The following MTRFR variants were observed in gnomAD, a reference collection of about 807,000 sequenced individuals.
The protein encoded by MTRFR is mitochondrial translation release factor in rescue.
Under a neutral mutation model 11.9 loss-of-function variants are expected in MTRFR, and 10 were observed. That is an observed-to-expected ratio of 0.84 (90% CI 0.52 to 1.42). The LOEUF is 1.42. MTRFR is among the 40% of genes most tolerant of loss of function. MTRFR has a pLI of 0.00. For synonymous variants in MTRFR, 77 were observed against 79.1 expected (o/e 0.97, Z 0.14); for missense variants, 196 against 197.9 (o/e 0.99, Z 0.06).
chr12:123,252,919 C>T (rs2048131599), intron 1 of MTRFR, among the ~76,000 whole-genome samples: 1 of 151,866 alleles, frequency 6.6e-6, no homozygotes, highest in Admixed American at 6.6e-5. Flanking sequence ...AGCGAGATTC[C>T]GTCTCAAAAA....
intron 2 of MTRFR, among the ~76,000 whole-genome samples, chr12:123,256,521 C>A (rs2048183623): frequency 6.6e-6 from 1 of 152,156 alleles, no homozygotes; most frequent in African/African-American, 2.4e-5. Context: ...CATGGTGAAA[C>A]CCCATCTCTA....
chr12:123,250,058 G>A (rs1817920196), intron 1 of MTRFR: 1 of 152,178 alleles, frequency 6.6e-6, no homozygotes, highest in African/African-American at 2.4e-5. Flanking sequence ...ACTTCTTGGA[G>A]GCTTTGTTCA....
At chr12:123,252,775 A>C (rs999478924) in intron 1 of MTRFR, among the ~76,000 whole-genome samples, 1 of 152,026 alleles carries the variant, frequency 6.6e-6, no homozygotes, top group Non-Finnish European at 1.5e-5. Context: ...AAATACAAAA[A>C]TTAGCCGGGT....
In MTRFR at chr12:123,244,929, C is replaced by CCTTT. The variant is rs1170457743; in HGVS notation, c.-28-8718_-28-8717insCTTT. Among the ~76,000 whole-genome samples the CCTTT allele has an allele frequency of 9.2e-4, 59 of 64,304 alleles. 2 individuals are homozygous for CCTTT. In the South Asian group the frequency reaches 0.013, roughly 14 times the overall value. The allele number at this position is 64,304 out of a possible 152,430, so 42.2% of individuals were successfully genotyped here. A position where few individuals can be genotyped will look rare whatever the true frequency, so the allele number is the denominator to read the frequency against. On this transcript the variant is annotated intron_variant, in intron 1 of 2. Coordinates refer to ENST00000253233, the MANE Select transcript of MTRFR (RefSeq NM_152269.5). ...TACAGGTATGAGCCACCGCACCCGGCATTTTTTTTTTTTTTTTTTTTTTTT... is the reference window on the plus strand; with the variant it reads ...TACAGGTATGAGCCACCGCACCCGGCCTTTATTTTTTTTTTTTTTTTTTTTTTTT...
chr12:123,251,734 G>A (rs1251575165), intron 1 of MTRFR, among the ~76,000 whole-genome samples: 2 of 152,224 alleles, frequency 1.3e-5, no homozygotes, highest in Non-Finnish European at 2.9e-5. Flanking sequence ...CAGAGGGTCT[G>A]TGGGTCCTCT....
At chr12:123,233,142 AG>A (rs1565985554), upstream of MTRFR, 1 of 151,754 alleles carries the variant, frequency 6.6e-6, no homozygotes, top group Non-Finnish European at 1.5e-5. Context: ...TACCCGAGGG[AG>A]CGCGCGCGCG....
intron 1 of MTRFR, chr12:123,248,312 A>T (rs1301595412): frequency 1.3e-5 from 2 of 152,250 alleles, no homozygotes; most frequent in Non-Finnish European, 2.9e-5. Context: ...TCTAGCTTGT[A>T]GTGTTTCTCC....
chr12:123,245,525 T>A (rs1192537261), intron 1 of MTRFR, among the ~76,000 whole-genome samples: 1 of 152,224 alleles, frequency 6.6e-6, no homozygotes, highest in Non-Finnish European at 1.5e-5. Context: ...GCATGGGATG[T>A]GTTTCCATTT....
chr12:123,239,807 C>G (rs1372256315), intron 1 of MTRFR, among the ~76,000 whole-genome samples: 3 of 152,100 alleles, frequency 2.0e-5, no homozygotes, highest in Non-Finnish European at 2.9e-5. Context: ...TCCCAATCTC[C>G]TTGTTTCCAT....
At position 123,256,956 on chromosome 12, in the gene MTRFR, A is replaced by G. The variant is rs1190291166; in HGVS notation, c.426A>G (p.Lys142=). 6.2e-7 allele frequency: 1 copy of G among 1,613,760 alleles called. No individual in the cohort carries two copies. Among genetic ancestry groups the G allele is most frequent in the Admixed American group, 1.7e-5 (1 of 59,946 alleles). The change falls in exon 3 of 3, where the codon AAA becomes AAG. Residue 142 remains lysine (K), a synonymous_variant. Transcript: ENST00000253233. ...REAAKKKQER[K]KRAKETLEKK... ...CGGCGAAGAAAAAACAAGAAAGGAA[A>G]AAAAGAGCAAAGGAAACCCTGGAAA... is the stretch of plus-strand genomic sequence containing the variant.
chr12:123,234,354 C>G (rs943157270), intron 1 of MTRFR, among the ~76,000 whole-genome samples: 2 of 149,530 alleles, frequency 1.3e-5, no homozygotes, highest in Non-Finnish European at 3.0e-5. Flanking sequence ...TTGGAGCTTC[C>G]TAAGTATACC....
At chr12:123,242,574 G>A (rs2047957745) in intron 1 of MTRFR, among the ~76,000 whole-genome samples, 1 of 152,164 alleles carries the variant, frequency 6.6e-6, no homozygotes, top group Admixed American at 6.6e-5. Context: ...TACTAAAAGT[G>A]TCTAGAATTG....
intron 2 of MTRFR, among the ~76,000 whole-genome samples, chr12:123,256,564 C>T (rs567833657): frequency 6.6e-6 from 1 of 152,226 alleles, no homozygotes; most frequent in South Asian, 2.1e-4. Context: ...GGTATGGTGG[C>T]GTGCGCCTAT....
rs558144654 is a variant in MTRFR at position 123,255,266 on chromosome 12, C to A, written c.282+1310C>A. Among the ~76,000 whole-genome samples the A allele has an allele frequency of 2.8e-4, 42 of 152,300 alleles. No homozygotes were observed. In the South Asian group the frequency reaches 5.8e-3, roughly 21 times the overall value. On this transcript the variant is annotated intron_variant, in intron 2 of 2. Transcript: ENST00000253233. ...TACCCCAAGTCCATGTTCCTAACAG[C>A]TGCACTTCACTGCTGGGTTTCTGAG...
At chr12:123,249,316 C>A (rs2048084539) in intron 1 of MTRFR, 1 of 152,458 alleles carries the variant, frequency 6.6e-6, no homozygotes, top group South Asian at 2.1e-4. Context: ...CCACACCATG[C>A]CCCCGCACTC....
At chr12:123,235,346 AAAG>A (rs2047828232) in intron 1 of MTRFR, among the ~76,000 whole-genome samples, 2 of 152,090 alleles carry the variant, frequency 1.3e-5, no homozygotes, top group African/African-American at 4.8e-5. Flanking sequence ...TTTTGGGACA[AAAG>A]AAAAAATGAG....
At chr12:123,256,736 G>A (rs2048185480) in intron 2 of MTRFR, 77 bp from the exon 3 acceptor site, 1 of 1,129,278 alleles carries the variant, frequency 8.9e-7, no homozygotes, top group African/African-American at 1.6e-5. Context: ...CGAACAGGTT[G>A]AATTTAATGA....
intron 1 of MTRFR, among the ~76,000 whole-genome samples, chr12:123,236,542 C>T (rs572473293): frequency 1.3e-5 from 2 of 151,136 alleles, no homozygotes; most frequent in Non-Finnish European, 2.9e-5. Context: ...TGCACTGAGC[C>T]ATTTTTATGC....
intron 1 of MTRFR, among the ~76,000 whole-genome samples, chr12:123,247,801 C>T (rs1343060783): frequency 2.6e-5 from 4 of 152,010 alleles, no homozygotes; most frequent in South Asian, 2.1e-4. Context: ...AAAAATTAGC[C>T]GGGCGTGGTA....
Sources: allele counts gnomAD v4.1 joint callset (sites outside exome capture counted in the v4.1 genomes callset), GRCh38; gene constraint gnomAD v4.1.1; transcripts MANE v1.5; gene names NCBI Gene and HGNC (gene_info 2026-07-23, HGNC 2026-07-21).